The following EIF3B variants were observed in gnomAD, a reference collection of about 807,000 sequenced individuals.
EIF3B encodes the protein eukaryotic translation initiation factor 3 subunit B, also known as eukaryotic translation initiation factor 3 subunit 9.
EIF3B carries 10 observed loss-of-function variants against 104.6 expected under a neutral mutation model. The observed-to-expected ratio is 0.10, with a 90% confidence interval of 0.06 to 0.16. EIF3B has a LOEUF of 0.16. Among genes scored for constraint, EIF3B ranks in the 10% least tolerant of loss-of-function variants. The pLI is 1.00. For missense variants in EIF3B, 1,014 were observed against 1,087.9 expected (o/e 0.93, Z 0.96); for synonymous variants, 542 against 417.2 (o/e 1.30, Z -3.65).
intron 6 of EIF3B, among the ~76,000 whole-genome samples, chr7:2,366,056 G>A (rs886995249): frequency 5.9e-5 from 9 of 152,116 alleles, no homozygotes; most frequent in African/African-American, 2.2e-4. Context: ...CCACCCTCTG[G>A]ATCACTTAGC....
At chr7:2,356,602 CAAA>C (rs558863981) in intron 1 of EIF3B, among the ~76,000 whole-genome samples, 4 of 90,288 alleles carry the variant, frequency 4.4e-5, no homozygotes, top group Admixed American at 1.3e-4. Context: ...GACTCCGTCT[CAAA>C]AAAAAAAAAA....
rs189480146 is a variant in EIF3B, at chr7:2,377,954, C to G, written c.2155-735C>G. ...GCGAGCACTGCTGGGATGCCGTGTT[C>G]TGTGAATGACCCTGGGTGTCATGGA... On this transcript the variant is annotated intron_variant, in intron 15 of 18. Coordinates refer to ENST00000360876, the MANE Select transcript of EIF3B (RefSeq NM_001037283.2). 2.2e-3 allele frequency: 74 copies of G among 33,318 alleles called. 3 individuals carry two copies. The highest frequency in any genetic ancestry group is 4.1e-3 in the South Asian group (7 of 1,692). 2.1% of individuals were successfully genotyped at this position (33,318 alleles called of 1,614,324 possible).
intron 17 of EIF3B, 68 bp from the exon 18 acceptor site, chr7:2,379,326 C>G: frequency 6.4e-7 from 1 of 1,553,484 alleles, no homozygotes; most frequent in South Asian, 1.2e-5. Context: ...TGCGTTCCTT[C>G]CCACTGGCCT....
At position 2,371,997 on chromosome 7, in the gene EIF3B, C is replaced by T. The variant is rs750093656; in HGVS notation, c.1687+148C>T. 1.0e-5 allele frequency: 7 copies of T among 670,632 alleles called. No homozygotes were observed. The East Asian group carries it at 1.1e-4, about 10-fold the overall frequency. The allele number at this position is 670,632 out of a possible 1,614,324, so 41.5% of individuals were successfully genotyped here. On this transcript the variant is annotated intron_variant, in intron 11 of 18. Coordinates refer to ENST00000360876, the MANE Select transcript of EIF3B (RefSeq NM_001037283.2). ...GAATAGTCATCTCCAGGTCACAGAA[C>T]GTGTTTAGAGCCTGGGCAACATAGT...
chr7:2,379,879 T>A, intron 18 of EIF3B: 1 of 290,298 alleles, frequency 3.4e-6, no homozygotes, highest in Non-Finnish European at 6.7e-6. Context: ...CGGCTGTGAC[T>A]GTGGTTTCAG....
intron 1 of EIF3B, 93 bp from the exon 2 acceptor site, chr7:2,360,617 T>C (rs2115285916): frequency 3.9e-6 from 4 of 1,030,354 alleles, no homozygotes; most frequent in Admixed American, 5.6e-5. Flanking sequence ...GACAATTCAT[T>C]GTCTCTTCTT....
Position 2,354,897 on chromosome 7 carries a change from C to A in EIF3B, c.-25C>A. The A allele has an allele frequency of 8.5e-7, 1 of 1,176,696 alleles. No homozygotes were observed. Among genetic ancestry groups the A allele is most frequent in the Non-Finnish European group, 1.0e-6 (1 of 952,734 alleles). 72.9% of individuals were successfully genotyped at this position (1,176,696 alleles called of 1,614,324 possible). ...GTCGGAAGCGCGGCGGCCGCGGAGC[C>A]CTGCGAGTAGGCAGCGTTGGGCCCA... is the stretch of plus-strand genomic sequence containing the variant. On this transcript the variant is annotated 5_prime_UTR_variant, in exon 1 of 19. Coordinates refer to ENST00000360876, the MANE Select transcript of EIF3B (RefSeq NM_001037283.2).
chr7:2,380,174 C>T (rs113034129), intron 18 of EIF3B, 30 bp from the exon 19 acceptor site: 11 of 341,020 alleles, frequency 3.2e-5, no homozygotes, highest in South Asian at 2.0e-4. Context: ...GAGGTGGTGC[C>T]GTTTAGGGCC....
Position 2,364,676 on chromosome 7 carries a change from C to T in EIF3B, c.1157+147C>T, listed in dbSNP as rs971700791. 28 of 743,520 alleles carry T rather than the reference C, an allele frequency of 3.8e-5. No homozygotes were observed. In the African/African-American group the frequency reaches 4.3e-4, roughly 11 times the overall value. The allele number at this position is 743,520 out of a possible 1,614,324, so 46.1% of individuals were successfully genotyped here. On this transcript the variant is annotated intron_variant, in intron 6 of 18. Transcript: ENST00000360876. ...CTAATAAGCTTTTTACTGAGATCTT[C>T]TCACATTTGGTTGCATTTACGTCAT...
At chr7:2,377,171 G>A (rs1288095494) in intron 15 of EIF3B, 96 bp downstream of exon 15, 4 of 1,459,264 alleles carry the variant, frequency 2.7e-6, no homozygotes, top group Non-Finnish European at 3.6e-6. Flanking sequence ...GGTGGTGACT[G>A]GGGGATAAAA....
At chr7:2,374,387 T>C in intron 12 of EIF3B, 141 bp from the exon 13 acceptor site, 1 of 688,610 alleles carries the variant, frequency 1.5e-6, no homozygotes, top group Non-Finnish European at 2.5e-6. Context: ...ATGGACTTTG[T>C]AAAATTGTTT....
rs755681556 is a variant in EIF3B at position 2,366,984 on chromosome 7, CT to C, written c.1357-7del. 25 of 1,606,990 alleles carry C rather than the reference CT, an allele frequency of 1.6e-5. No individual in the cohort carries two copies. Among genetic ancestry groups the C allele is most frequent in the Admixed American group, 6.8e-5 (4 of 58,806 alleles). On this transcript the variant is annotated splice_polypyrimidine_tract_variant and intron_variant, in intron 8 of 18. Transcript: ENST00000360876. ...ATGATTTGACTCAACTGCAGCCTTCCTTTTTTTTGGGCAGTCTATGGGTCTT... is the reference window on the plus strand; with the variant it reads ...ATGATTTGACTCAACTGCAGCCTTCCTTTTTTTGGGCAGTCTATGGGTCTT...
At chr7:2,375,568 C>T in intron 14 of EIF3B, 41 bp downstream of exon 14, 2 of 1,612,522 alleles carry the variant, frequency 1.2e-6, no homozygotes, top group Non-Finnish European at 8.5e-7. Flanking sequence ...TGGATAGAAG[C>T]AGGGAGTGCT....
chr7:2,357,882 A>C (rs1184180780), intron 1 of EIF3B, among the ~76,000 whole-genome samples: 1 of 152,172 alleles, frequency 6.6e-6, no homozygotes, highest in East Asian at 1.9e-4. Flanking sequence ...TTTTTATTGC[A>C]GCCTTATAAA....
intron 11 of EIF3B, chr7:2,372,317 G>T: frequency 4.1e-6 from 1 of 243,160 alleles, no homozygotes. Context: ...AAACATGGCC[G>T]CCCTTCCAGG....
rs754043032 is a variant in EIF3B at position 2,362,624 on chromosome 7, C to T, written c.693-21C>T. The T allele has an allele frequency of 2.5e-6, 4 of 1,613,802 alleles. No homozygotes were observed. In the African/African-American group the frequency reaches 4.0e-5, roughly 16 times the overall value. On this transcript the variant is annotated intron_variant, in intron 2 of 18. Coordinates refer to ENST00000360876, the MANE Select transcript of EIF3B (RefSeq NM_001037283.2). ...CTAGCCTTACAGTGTGGGTATGTGCCAACGGCCCTCTCTCACTCAGGTATA... is the reference window on the plus strand; with the variant it reads ...CTAGCCTTACAGTGTGGGTATGTGCTAACGGCCCTCTCTCACTCAGGTATA...
In EIF3B at chr7:2,363,834, T is replaced by A. The variant is rs537705115; in HGVS notation, c.999+74T>A. 18 of 1,510,582 alleles carry A rather than the reference T, an allele frequency of 1.2e-5. No individual in the cohort carries two copies. The African/African-American group carries it at 2.4e-4, about 20-fold the overall frequency. The allele number at this position is 1,510,582 out of a possible 1,614,324, so 93.6% of individuals were successfully genotyped here. ...CCTTAACAAAGTGGAACTTTGTTTC[T>A]ATCAGAAAACTGGAAGAGCAGGTGA... On this transcript the variant is annotated intron_variant, in intron 5 of 18. Transcript: ENST00000360876.
intron 12 of EIF3B, chr7:2,373,451 C>T (rs1281517105): frequency 6.6e-6 from 1 of 152,382 alleles, no homozygotes; most frequent in Non-Finnish European, 1.5e-5. Flanking sequence ...GTGTTCCTCA[C>T]ACAGGACTCT....
In EIF3B at chr7:2,362,654, C is replaced by G; in HGVS notation, c.702C>G (p.Phe234Leu). Residue 234 changes from phenylalanine (F) to leucine (L), a missense_variant, in exon 3 of 19, where the codon TTC becomes TTG. Coordinates refer to ENST00000360876, the MANE Select transcript of EIF3B (RefSeq NM_001037283.2). ...GCCCTCTCTCACTCAGGTATATTTT[C>G]CTGGAGTACGCGTCCCCTGCCCACG... is the stretch of plus-strand genomic sequence containing the variant. The part of the protein sequence containing the change: ...EEDGKTKGYI[F>L]LEYASPAHAV... The G allele has an allele frequency of 6.2e-7, 1 of 1,614,226 alleles. No individual in the cohort carries two copies. The highest frequency in any genetic ancestry group is 1.7e-4 in the Middle Eastern group (1 of 6,058).
Sources: allele counts gnomAD v4.1 joint callset (sites outside exome capture counted in the v4.1 genomes callset), GRCh38; gene constraint gnomAD v4.1.1; transcripts MANE v1.5; gene names NCBI Gene and HGNC (gene_info 2026-07-23, HGNC 2026-07-21).